Variants in SV2C observed in about 807,000 individuals in gnomAD.
The protein encoded by SV2C is solute carrier family 22 member B3.
Under a neutral mutation model 79.7 loss-of-function variants are expected in SV2C, and 49 were observed. The observed-to-expected ratio is 0.61, with a 90% CI of 0.49 to 0.78. The LOEUF (loss-of-function observed/expected upper bound fraction) is 0.78. Among genes scored for constraint, SV2C ranks in the 30% least tolerant of loss-of-function variants. The probability of loss-of-function intolerance (pLI) is 0.00; values close to 1 mark genes in which losing one functional copy is unlikely to be tolerated. For missense variants in SV2C, 833 were observed against 912.9 expected (o/e 0.91, Z 1.13); for synonymous variants, 334 against 333.2 (o/e 1.00, Z -0.03).
rs753161132 is a variant in SV2C, at chr5:76,333,204, C to T, written c.*7657C>T. 1 of 152,200 alleles carries T rather than the reference C, an allele frequency of 6.6e-6. No homozygotes were observed. The highest frequency in any genetic ancestry group is 1.5e-5 in the Non-Finnish European group (1 of 68,024). 9.4% of individuals were successfully genotyped at this position (152,200 alleles called of 1,614,324 possible). On this transcript the variant is annotated 3_prime_UTR_variant, in exon 13 of 13. Coordinates refer to ENST00000502798, the MANE Select transcript of SV2C (RefSeq NM_014979.4). ...TTGACAAATTGGCCTAACTTCATCT[C>T]CGCTGCTATTGTTATATATTTGCTT...
At chr5:76,298,187 TG>T (rs1747842017) in intron 9 of SV2C, among the ~76,000 whole-genome samples, 1 of 152,174 alleles carries the variant, frequency 6.6e-6, no homozygotes. Context: ...ATCTGTTGGC[TG>T]TGAGAAGAAA....
intron 2 of SV2C, among the ~76,000 whole-genome samples, chr5:76,153,522 T>G (rs1193600002): frequency 6.6e-6 from 1 of 152,134 alleles, no homozygotes; most frequent in Non-Finnish European, 1.5e-5. Flanking sequence ...TGCTACAGGT[T>G]TCAGACTGGG....
chr5:76,049,214 A>G, the SV2C span, among the ~76,000 whole-genome samples: 87,831 of 151,296 alleles, frequency 0.58, 27,475 homozygotes, highest in African/African-American at 0.82. Flanking sequence ...GTGGGTGCCT[A>G]TAATCCCGGC....
At chr5:76,224,370 G>C (rs1437500952) in intron 4 of SV2C, among the ~76,000 whole-genome samples, 1 of 152,128 alleles carries the variant, frequency 6.6e-6, no homozygotes, top group Admixed American at 6.5e-5. Context: ...GTGTGTATGT[G>C]TGTATTTCTT....
At chr5:75,849,064 C>T in the SV2C span, among the ~76,000 whole-genome samples, 1 of 152,192 alleles carries the variant, frequency 6.6e-6, no homozygotes, top group Admixed American at 6.5e-5. Context: ...CCCCTTCTAT[C>T]TCCCCGTATG....
intron 12 of SV2C, among the ~76,000 whole-genome samples, chr5:76,352,875 C>T (rs1458564895): frequency 6.6e-6 from 1 of 151,626 alleles, no homozygotes; most frequent in Non-Finnish European, 1.5e-5. Context: ...ATATTGCTCC[C>T]ATGTGTCATT....
chr5:75,920,262 C>A, the SV2C span, among the ~76,000 whole-genome samples: 2 of 152,084 alleles, frequency 1.3e-5, no homozygotes, highest in African/African-American at 4.8e-5. Flanking sequence ...AAAGGTTGGG[C>A]CCTCCTTTTT....
chr5:75,992,479 A>G, the SV2C span, among the ~76,000 whole-genome samples: 32 of 152,162 alleles, frequency 2.1e-4, no homozygotes, highest in African/African-American at 7.0e-4. Flanking sequence ...GCTATGAGTA[A>G]TTGCATAAAG....
the SV2C span, among the ~76,000 whole-genome samples, chr5:75,962,171 T>C: frequency 6.6e-6 from 1 of 152,132 alleles, no homozygotes; most frequent in Non-Finnish European, 1.5e-5. Flanking sequence ...GGGTTATAAA[T>C]TATTCTGAGC....
chr5:75,887,688 T>C, the SV2C span, among the ~76,000 whole-genome samples: 1 of 152,140 alleles, frequency 6.6e-6, no homozygotes, highest in Non-Finnish European at 1.5e-5. Context: ...AATGTATATA[T>C]GTATATATGG....
the SV2C span, among the ~76,000 whole-genome samples, chr5:75,901,756 C>G: frequency 6.6e-6 from 1 of 152,200 alleles, no homozygotes; most frequent in East Asian, 1.9e-4. Context: ...TGGAGCTTCC[C>G]GGCTCCTTTG....
At chr5:75,975,807 T>A in the SV2C span, among the ~76,000 whole-genome samples, 1 of 152,152 alleles carries the variant, frequency 6.6e-6, no homozygotes, top group African/African-American at 2.4e-5. Context: ...CACAGTGACA[T>A]AAACTTAGAA....
chr5:76,325,271 G>C, intron 12 of SV2C, 93 bp from the exon 13 acceptor site: 1 of 1,301,762 alleles, frequency 7.7e-7, no homozygotes, highest in Non-Finnish European at 1.1e-6. Context: ...ACAATCTGAG[G>C]GAAGATCATT....
chr5:75,921,248 A>T, the SV2C span: 3 of 1,432,834 alleles, frequency 2.1e-6, no homozygotes, highest in East Asian at 4.5e-5. Flanking sequence ...TTTGACTTTG[A>T]TGAGGATCTG....
At chr5:75,956,863 G>A in the SV2C span, among the ~76,000 whole-genome samples, 1 of 151,932 alleles carries the variant, frequency 6.6e-6, no homozygotes, top group South Asian at 2.1e-4. Context: ...AACATGCAGA[G>A]TTTCACATAA....
At chr5:75,871,828 T>TACAC in the SV2C span, among the ~76,000 whole-genome samples, 1 of 118,668 alleles carries the variant, frequency 8.4e-6, no homozygotes, top group African/African-American at 3.4e-5. Flanking sequence ...TATATATATA[T>TACAC]ATATATACAC....
At chr5:76,089,896 A>C (rs988048455) in intron 1 of SV2C, among the ~76,000 whole-genome samples, 3 of 152,352 alleles carry the variant, frequency 2.0e-5, no homozygotes, top group African/African-American at 7.2e-5. Flanking sequence ...TAGAGACAGC[A>C]TAAGGAGAAT....
intron 1 of SV2C, 49 bp from the exon 2 acceptor site, chr5:76,131,597 AATAT>A: frequency 2.1e-6 from 1 of 483,326 alleles, no homozygotes; most frequent in South Asian, 6.4e-5. Context: ...GACGGTAAAA[AATAT>A]ATATATAGAA....
At chr5:76,064,160 A>T in the SV2C span, among the ~76,000 whole-genome samples, 1 of 152,178 alleles carries the variant, frequency 6.6e-6, no homozygotes, top group Non-Finnish European at 1.5e-5. Flanking sequence ...CACAATGCAG[A>T]GGGAGATTAA....
Sources: gnomAD v4.1 joint callset for allele counts (sites outside exome capture counted in the v4.1 genomes callset) on GRCh38, gnomAD v4.1.1 for gene constraint, MANE v1.5 for transcripts, NCBI Gene and HGNC (gene_info 2026-07-23, HGNC 2026-07-21) for gene names.